Variants in CREB3L3 observed in about 807,000 individuals in gnomAD.
CREB3L3 encodes the protein cyclic AMP-responsive element-binding protein 3-like protein 3.
CREB3L3 carries 40 observed loss-of-function variants against 44.6 expected under a neutral mutation model. The ratio of observed to expected loss-of-function variants is 0.90; its 90% CI spans 0.70 to 1.17. CREB3L3 has a LOEUF of 1.17. CREB3L3 is among the 50% of genes most tolerant of loss of function. The pLI, the probability that CREB3L3 is intolerant of heterozygous loss-of-function variation, is 0.00. For synonymous variants in CREB3L3, 273 were observed against 256.3 expected (o/e 1.06, Z -0.62); for missense variants, 578 against 595.8 (o/e 0.97, Z 0.31).
At chr19:4,161,195 C>T (rs1035675120) in intron 4 of CREB3L3, among the ~76,000 whole-genome samples, 11 of 152,240 alleles carry the variant, frequency 7.2e-5, no homozygotes, top group African/African-American at 2.4e-4. Flanking sequence ...ATCTCCTGAC[C>T]TCGTGATCTG....
At chr19:4,167,922 G>T (rs373948870) in intron 5 of CREB3L3, among the ~76,000 whole-genome samples, 1 of 151,800 alleles carries the variant, frequency 6.6e-6, no homozygotes, top group East Asian at 1.9e-4. Context: ...GGACAGTGGG[G>T]ACTGTCGCAC....
chr19:4,154,801 A>G, intron 1 of CREB3L3, 98 bp from the exon 2 acceptor site: 4 of 1,581,602 alleles, frequency 2.5e-6, no homozygotes, highest in Non-Finnish European at 3.4e-6. Flanking sequence ...CAGAGCGGCA[A>G]CTGAACTCTA....
Position 4,171,363 on chromosome 19 carries a change from T to G in CREB3L3, c.976-20T>G, listed in dbSNP as rs1967042702. On this transcript the variant is annotated intron_variant, in intron 8 of 9. Transcript: ENST00000078445. This position sits in a 1 kb window ranked among gnomAD's most constrained non-coding sequence, Gnocchi z 4.9. ...CAGGGGAGGGGAGGGAGGGGGTGACTCTGCCGCTGTCTCCACCAGGTCCTG... is the reference window on the plus strand; with the variant it reads ...CAGGGGAGGGGAGGGAGGGGGTGACGCTGCCGCTGTCTCCACCAGGTCCTG... 9 of 1,610,348 alleles carry G rather than the reference T, an allele frequency of 5.6e-6. No individual in the cohort carries two copies. The highest frequency in any genetic ancestry group is 7.6e-6 in the Non-Finnish European group (9 of 1,176,762).
intron 3 of CREB3L3, among the ~76,000 whole-genome samples, chr19:4,159,245 G>A (rs1306157103): frequency 2.0e-5 from 3 of 151,882 alleles, no homozygotes; most frequent in African/African-American, 7.3e-5. Context: ...CCACCACCCG[G>A]GTTCAAGTGA....
intron 5 of CREB3L3, among the ~76,000 whole-genome samples, chr19:4,166,104 A>G (rs1429028614): frequency 1.5e-5 from 2 of 135,540 alleles, no homozygotes; most frequent in Admixed American, 1.5e-4. Context: ...TTTTTTTTCT[A>G]TTGAGACAGG....
chr19:4,157,844 C>G lies in CREB3L3; in HGVS notation c.457+549C>G, dbSNP rs1410111106. On this transcript the variant is annotated intron_variant, in intron 3 of 9. Coordinates refer to ENST00000078445, the MANE Select transcript of CREB3L3 (RefSeq NM_032607.3). ...GGGATCACAAGCATATGCCACCATG[C>G]CCAGCTAATATTTATTTTTTAGTAG... is the stretch of plus-strand genomic sequence containing the variant. 5.9e-5 allele frequency among the ~76,000 whole-genome samples: 9 copies of G among 152,074 alleles called. No individual in the cohort carries two copies. The South Asian group carries it at 1.2e-3, about 21-fold the overall frequency.
In CREB3L3 at chr19:4,168,373, A is replaced by C. The variant is rs1371781940; in HGVS notation, c.737A>C (p.Lys246Thr). The C allele has an allele frequency of 6.2e-7, 1 of 1,610,868 alleles. No individual in the cohort carries two copies. The highest frequency in any genetic ancestry group is 2.2e-5 in the East Asian group (1 of 44,722). Residue 246 changes from lysine (K) to threonine (T), a missense_variant, in exon 6 of 10, where the codon AAA (lysine) becomes ACA (threonine). By Grantham distance (78) the Lys-to-Thr change is moderately conservative (BLOSUM62 -1). Transcript: ENST00000078445. ...LTKYEERVLK[K>T]IRRKIRNKQS... ...CAGTACGAGGAGCGAGTGCTGAAAA[A>C]AATCCGCCGGAAAATCCGGAACAAG...
At chr19:4,154,555 A>G (rs1288810501) in intron 1 of CREB3L3, among the ~76,000 whole-genome samples, 2 of 151,952 alleles carry the variant, frequency 1.3e-5, no homozygotes, top group African/African-American at 4.8e-5. Context: ...AATTATTTGC[A>G]GTAGGGATAG....
Position 4,157,080 on chromosome 19 carries a change from C to A in CREB3L3, c.242C>A (p.Ser81Tyr). The A allele has an allele frequency of 1.2e-6, 2 of 1,614,018 alleles. No homozygotes were observed. The highest frequency in any genetic ancestry group is 1.7e-6 in the Non-Finnish European group (2 of 1,179,982). The change falls in exon 3 of 10, where the codon TCC becomes TAC. Residue 81 changes from serine to tyrosine, a missense_variant. By Grantham distance (144) the Ser-to-Tyr change is moderately radical. Coordinates refer to ENST00000078445, the MANE Select transcript of CREB3L3 (RefSeq NM_032607.3). Reference sequence around the variant, plus strand: ...TCACTGCCCAGCTCCCCACTCTGGTCCCCCGAAGGCAGTGATAGTGGCATC... The same window carrying A: ...TCACTGCCCAGCTCCCCACTCTGGTACCCCGAAGGCAGTGATAGTGGCATC... ...GDSLPSSPLW[S>Y]PEGSDSGISE...
At chr19:4,154,761 C>T (rs777455071) in intron 1 of CREB3L3, 138 bp from the exon 2 acceptor site, 16 of 1,242,350 alleles carry the variant, frequency 1.3e-5, no homozygotes, top group Admixed American at 9.1e-5. Context: ...GGAGTCTCAG[C>T]GAGGGGCAGC....
chr19:4,158,954 G>A (rs1329741109), intron 3 of CREB3L3, among the ~76,000 whole-genome samples: 4 of 152,184 alleles, frequency 2.6e-5, no homozygotes, highest in African/African-American at 9.6e-5. Flanking sequence ...GCTACCAGGA[G>A]GGGACAACCA....
At position 4,171,404 on chromosome 19, in the gene CREB3L3, C is replaced by G. The variant is rs1371914492; in HGVS notation, c.997C>G (p.Leu333Val). Reference protein sequence around the residue: ...CVAVLLLSFALIILPSISPFG... With the variant: ...CVAVLLLSFAVIILPSISPFG... ...CCAGGTCCTGTTGCTGTCCTTTGCCCTCATCATCCTCCCCTCCATCAGCCC... is the reference window on the plus strand; with the variant it reads ...CCAGGTCCTGTTGCTGTCCTTTGCCGTCATCATCCTCCCCTCCATCAGCCC... Residue 333 changes from leucine to valine, a missense_variant, in exon 9 of 10, where the codon CTC becomes GTC. By Grantham distance (32) the Leu-to-Val change is conservative. Transcript: ENST00000078445. This position sits in a 1 kb window ranked among gnomAD's most constrained non-coding sequence, Gnocchi z 4.9. 1 of 1,613,992 alleles carries G rather than the reference C, an allele frequency of 6.2e-7. No individual in the cohort carries two copies. The highest frequency in any genetic ancestry group is 2.2e-5 in the East Asian group (1 of 44,890).
At chr19:4,159,191 C>T (rs1266423230) in intron 3 of CREB3L3, among the ~76,000 whole-genome samples, 1 of 151,216 alleles carries the variant, frequency 6.6e-6, no homozygotes, top group Admixed American at 6.6e-5. Flanking sequence ...CGCTGTGTCA[C>T]CCAGGCTGGA....
chr19:4,168,294 C>G, intron 5 of CREB3L3, 57 bp from the exon 6 acceptor site: 2 of 1,382,616 alleles, frequency 1.4e-6, no homozygotes, highest in Non-Finnish European at 1.0e-6. Context: ...CTACTGCCCC[C>G]GGACTCCAAG....
intron 5 of CREB3L3, among the ~76,000 whole-genome samples, chr19:4,165,146 CA>C (rs1347205794): frequency 2.0e-5 from 3 of 151,778 alleles, no homozygotes; most frequent in Non-Finnish European, 4.4e-5. Context: ...TGGCGGACTC[CA>C]GGTGGCAGCA....
At chr19:4,156,079 GTT>G (rs1568277716) in intron 2 of CREB3L3, among the ~76,000 whole-genome samples, 1 of 78,420 alleles carries the variant, frequency 1.3e-5, no homozygotes, top group Non-Finnish European at 2.6e-5. Context: ...TCTCTCTCTC[GTT>G]TCTCTCTCTC....
rs548366703 is a variant in CREB3L3 at position 4,165,986 on chromosome 19, C to G, written c.714+1346C>G. On this transcript the variant is annotated intron_variant, in intron 5 of 9. Coordinates refer to ENST00000078445, the MANE Select transcript of CREB3L3 (RefSeq NM_032607.3). ...TCATATTCTCAAACCTCCATATGCA[C>G]CAGTCAATGGCTGGGTAGCTGTTTG... 9.2e-5 allele frequency among the ~76,000 whole-genome samples: 14 copies of G among 152,284 alleles called. No individual in the cohort carries two copies. In the South Asian group the frequency reaches 2.9e-3, roughly 32 times the overall value.
chr19:4,160,717 G>C (rs961472249), intron 4 of CREB3L3, among the ~76,000 whole-genome samples: 1 of 149,558 alleles, frequency 6.7e-6, no homozygotes, highest in Non-Finnish European at 1.5e-5. Flanking sequence ...CACCAGGCCT[G>C]GCTAATTTTG....
intron 5 of CREB3L3, among the ~76,000 whole-genome samples, chr19:4,165,740 A>G (rs1047134128): frequency 6.6e-6 from 1 of 151,848 alleles, no homozygotes; most frequent in African/African-American, 2.4e-5. Flanking sequence ...GGGCAACTGT[A>G]AGGTGCTTCT....
Sources: allele counts gnomAD v4.1 joint callset (sites outside exome capture counted in the v4.1 genomes callset), GRCh38; gene constraint gnomAD v4.1.1; non-coding constraint Gnocchi (gnomAD v3.1); transcripts MANE v1.5; gene names NCBI Gene and HGNC (gene_info 2026-07-23, HGNC 2026-07-21).